The following PDGFD variants were observed in gnomAD, a reference collection of about 807,000 sequenced individuals.
PDGFD encodes platelet-derived growth factor D.
A neutral mutation model predicts 44.7 loss-of-function variants in PDGFD; 30 were observed. The ratio of observed to expected loss-of-function variants is 0.67; its 90% CI spans 0.50 to 0.91. The LOEUF is 0.91. PDGFD is among the 40% of genes least tolerant of loss of function. The pLI is 0.00. For missense variants in PDGFD, 445 were observed against 457.8 expected (o/e 0.97, Z 0.25); for synonymous variants, 173 against 168.4 (o/e 1.03, Z -0.21).
intron 1 of PDGFD, among the ~76,000 whole-genome samples, chr11:104,083,842 T>C (rs1861082408): frequency 6.6e-6 from 1 of 152,186 alleles, no homozygotes; most frequent in Admixed American, 6.5e-5. Flanking sequence ...TGGTGTCTTC[T>C]AGGCAGCATT....
In PDGFD at chr11:104,107,719, G is replaced by A. The variant is rs529706798; in HGVS notation, c.124+56085C>T. 2.2e-4 allele frequency among the ~76,000 whole-genome samples: 34 copies of A among 152,248 alleles called. 2 individuals carry two copies. The South Asian group carries it at 6.8e-3, about 31-fold the overall frequency. Reference sequence around the variant, plus strand: ...AAAGAACTCTGGAGTAAGACTTAGAGCTGTGTGACTTTTGGCAAGTAATTC... The same window carrying A: ...AAAGAACTCTGGAGTAAGACTTAGAACTGTGTGACTTTTGGCAAGTAATTC... On this transcript the variant is annotated intron_variant, in intron 1 of 6. Coordinates refer to ENST00000393158, the MANE Select transcript of PDGFD (RefSeq NM_025208.5).
chr11:103,974,173 T>C (rs1859147127), intron 3 of PDGFD, among the ~76,000 whole-genome samples: 1 of 151,274 alleles, frequency 6.6e-6, no homozygotes, highest in Non-Finnish European at 1.5e-5. Context: ...AACAAAGGAG[T>C]TGCTCATTAA....
At chr11:104,030,531 A>C (rs1450180644) in intron 1 of PDGFD, among the ~76,000 whole-genome samples, 1 of 152,222 alleles carries the variant, frequency 6.6e-6, no homozygotes, top group African/African-American at 2.4e-5. Flanking sequence ...ACCAAAAAGA[A>C]ACACAGCATT....
At chr11:103,943,799 T>C in intron 4 of PDGFD, 149 bp from the exon 5 acceptor site, 2 of 615,592 alleles carry the variant, frequency 3.2e-6, no homozygotes, top group South Asian at 2.5e-5. Flanking sequence ...CATGGTATTG[T>C]CTTGCCATAT....
At chr11:104,025,793 A>G (rs1284047961) in intron 1 of PDGFD, among the ~76,000 whole-genome samples, 1 of 152,216 alleles carries the variant, frequency 6.6e-6, no homozygotes, top group Non-Finnish European at 1.5e-5. Context: ...AAGAACAAGC[A>G]TCACAGAACC....
At chr11:103,961,681 C>A (rs1439924545) in intron 3 of PDGFD, among the ~76,000 whole-genome samples, 3 of 152,110 alleles carry the variant, frequency 2.0e-5, no homozygotes, top group South Asian at 2.1e-4. Flanking sequence ...ATCATTTGTT[C>A]AACAGGTATT....
chr11:104,104,893 A>G (rs963746756), intron 1 of PDGFD, among the ~76,000 whole-genome samples: 5 of 144,292 alleles, frequency 3.5e-5, no homozygotes, highest in East Asian at 3.9e-4. Context: ...CACTGATACC[A>G]TATGCAAATT....
chr11:104,159,927 C>A (rs1008797213), intron 1 of PDGFD, among the ~76,000 whole-genome samples: 2 of 152,122 alleles, frequency 1.3e-5, no homozygotes, highest in Non-Finnish European at 2.9e-5. Context: ...CAAGTCAATG[C>A]CAGGTTACAT....
chr11:104,019,954 G>A (rs760321969), intron 1 of PDGFD, among the ~76,000 whole-genome samples: 50 of 151,988 alleles, frequency 3.3e-4, no homozygotes, highest in Non-Finnish European at 6.0e-4. Context: ...ATGGGGCTGC[G>A]ATAAGCACCA....
Position 103,949,369 on chromosome 11 carries a change from C to A in PDGFD, c.511-1645G>T, listed in dbSNP as rs868168706. Among the ~76,000 whole-genome samples the A allele has an allele frequency of 7.9e-5, 12 of 152,252 alleles. No homozygotes were observed. In the Middle Eastern group the frequency reaches 0.01, roughly 129 times the overall value. ...CAGGAAATGTGGTATCTGCACTCTG[C>A]AAAACAGAATAGACACTAAAAGGAC... On this transcript the variant is annotated intron_variant, in intron 3 of 6. Transcript: ENST00000393158.
At chr11:104,094,834 G>A (rs1861260127) in intron 1 of PDGFD, among the ~76,000 whole-genome samples, 1 of 151,984 alleles carries the variant, frequency 6.6e-6, no homozygotes, top group African/African-American at 2.4e-5. Context: ...CATGTATCAG[G>A]TCTTGATCCT....
intron 1 of PDGFD, among the ~76,000 whole-genome samples, chr11:104,005,645 A>G (rs943068297): frequency 2.6e-5 from 4 of 152,224 alleles, no homozygotes; most frequent in East Asian, 1.9e-4. Context: ...GTTTAAAGCC[A>G]TTACTTCATT....
intron 1 of PDGFD, among the ~76,000 whole-genome samples, chr11:104,098,459 A>T (rs1401645193): frequency 6.6e-6 from 1 of 151,476 alleles, no homozygotes; most frequent in East Asian, 1.9e-4. Flanking sequence ...GCAGGCTAAG[A>T]GGTTTCAAAT....
intron 1 of PDGFD, among the ~76,000 whole-genome samples, chr11:104,126,385 A>G (rs962211537): frequency 1.3e-5 from 2 of 152,150 alleles, no homozygotes; most frequent in African/African-American, 4.8e-5. Flanking sequence ...CACTTCTAAA[A>G]GACATCATCA....
chr11:104,161,362 A>G (rs1356650002), intron 1 of PDGFD, among the ~76,000 whole-genome samples: 1 of 152,216 alleles, frequency 6.6e-6, no homozygotes, highest in African/African-American at 2.4e-5. Context: ...AGTCATTAGA[A>G]AAATTTGGGA....
At chr11:104,041,075 G>A (rs1433940224) in intron 1 of PDGFD, among the ~76,000 whole-genome samples, 3 of 151,920 alleles carry the variant, frequency 2.0e-5, no homozygotes, top group Admixed American at 1.3e-4. Context: ...TTTATTATGT[G>A]GAAACTACCA....
At chr11:104,119,212 T>TAC (rs1565340681) in intron 1 of PDGFD, among the ~76,000 whole-genome samples, 75 of 9,588 alleles carry the variant, frequency 7.8e-3, no homozygotes, top group Non-Finnish European at 0.015. Context: ...AATATATTAA[T>TAC]ATAATATATT....
At chr11:104,038,071 G>A (rs1169850438) in intron 1 of PDGFD, 25 of 1,493,904 alleles carry the variant, frequency 1.7e-5, no homozygotes, top group African/African-American at 2.8e-5. Flanking sequence ...GCAATTATAA[G>A]TTAAGAGCTT....
rs186798634 is a variant in PDGFD, at chr11:103,996,699, T to C, written c.330-454A>G. Among the ~76,000 whole-genome samples, 47 of 152,344 alleles carry C rather than the reference T, an allele frequency of 3.1e-4. 1 individual carries two copies. The highest frequency in any genetic ancestry group is 1.1e-3 in the African/African-American group (44 of 41,578). ...TGAGAAAGTAAATGACCTATATCTA[T>C]ATAGCTTACAAAATCAGTAATGCCA... On this transcript the variant is annotated intron_variant, in intron 2 of 6. Coordinates refer to ENST00000393158, the MANE Select transcript of PDGFD (RefSeq NM_025208.5).
Sources: gnomAD v4.1 joint callset for allele counts (sites outside exome capture counted in the v4.1 genomes callset) on GRCh38, gnomAD v4.1.1 for gene constraint, MANE v1.5 for transcripts, NCBI Gene and HGNC (gene_info 2026-07-23, HGNC 2026-07-21) for gene names.